POTEC: variants seen among roughly 807,000 people sequenced by gnomAD.
POTEC encodes the protein POTE ankyrin domain family member C.
In POTEC, 35 loss-of-function variants were observed where a neutral mutation model predicts 62.0. That is an observed-to-expected ratio of 0.56 (90% CI 0.43 to 0.75). The LOEUF is 0.75. Among genes scored for constraint, POTEC ranks in the 30% least tolerant of loss-of-function variants. The probability of loss-of-function intolerance (pLI) is 0.00; values close to 1 mark genes in which losing one functional copy is unlikely to be tolerated. For synonymous variants in POTEC, 156 were observed against 221.5 expected, an observed-to-expected ratio of 0.70 and a Z score of 2.62; for missense variants, 472 against 655.9, an observed-to-expected ratio of 0.72 and a Z score of 3.06.
chr18:14,525,092 T>C, intron 6 of POTEC, 109 bp from the exon 7 acceptor site: 7 of 1,494,098 alleles, frequency 4.7e-6, no homozygotes, highest in Non-Finnish European at 6.3e-6. Context: ...TTTCATAAAT[T>C]GAGTGTTTAG....
chr18:14,517,860 C>G (rs1910206451), intron 9 of POTEC, among the ~76,000 whole-genome samples: 1 of 152,050 alleles, frequency 6.6e-6, no homozygotes, highest in South Asian at 2.1e-4. Flanking sequence ...GACTCAATCT[C>G]AAAATAAAAT....
rs1376188802 is a variant in POTEC, at chr18:14,507,412, T to A, written c.*4486A>T. ...TAGGAGTGCAACACCTGCTTTTTTC[T>A]GTTTTCCATTTCCTTGAAATATTTT... On this transcript the variant is annotated 3_prime_UTR_variant, in exon 11 of 11. Coordinates refer to ENST00000358970, the MANE Select transcript of POTEC (RefSeq NM_001137671.2). 6.6e-6 allele frequency: 1 copy of A among 151,900 alleles called. No homozygotes were observed. The highest frequency in any genetic ancestry group is 2.4e-5 in the African/African-American group (1 of 41,352). The allele number at this position is 151,900 out of a possible 1,614,324, so 9.4% of individuals were successfully genotyped here. A position where few individuals can be genotyped will look rare whatever the true frequency, so the allele number is the denominator to read the frequency against.
chr18:14,527,045 A>G (rs971344925), intron 6 of POTEC, among the ~76,000 whole-genome samples: 3 of 152,138 alleles, frequency 2.0e-5, no homozygotes, highest in Non-Finnish European at 4.4e-5. Context: ...GGTGCTTTAT[A>G]AAGTTATAGT....
rs554609846 is a variant in POTEC, at chr18:14,542,541, G to A, written c.521+85C>T. 9.4e-5 allele frequency: 149 copies of A among 1,583,696 alleles called. No homozygotes were observed. In the African/African-American group the frequency reaches 1.9e-3, roughly 20 times the overall value. Reference sequence around the variant, plus strand: ...TGTGGGGCCTGCGGAGGAAGAGAAAGCCTGGCTCCTCCCTCCCTGCGCCAG... The same window carrying A: ...TGTGGGGCCTGCGGAGGAAGAGAAAACCTGGCTCCTCCCTCCCTGCGCCAG... On this transcript the variant is annotated intron_variant, in intron 1 of 10. Coordinates refer to ENST00000358970, the MANE Select transcript of POTEC (RefSeq NM_001137671.2).
chr18:14,515,530 T>A (rs8087665), intron 9 of POTEC, among the ~76,000 whole-genome samples: 71,178 of 151,824 alleles, frequency 0.47, 18,878 homozygotes, highest in Non-Finnish European at 0.61. Context: ...CCTCTCACCA[T>A]GTAAAAAAAT....
chr18:14,510,882 C>G lies in POTEC; in HGVS notation c.*1016G>C, dbSNP rs543827699. ...TCATCCAAACAGCAAAGATGACAGT[C>G]TGGTCCTCCCCCTGGGAGCTCTGAC... On this transcript the variant is annotated 3_prime_UTR_variant, in exon 11 of 11. Transcript: ENST00000358970. 1 of 152,362 alleles carries G rather than the reference C, an allele frequency of 6.6e-6. No homozygotes were observed. Among genetic ancestry groups the G allele is most frequent in the East Asian group, 1.9e-4 (1 of 5,172 alleles). 9.4% of individuals were successfully genotyped at this position (152,362 alleles called of 1,614,324 possible). A position where few individuals can be genotyped will look rare whatever the true frequency, so the allele number is the denominator to read the frequency against.
intron 6 of POTEC, 110 bp downstream of exon 6, chr18:14,530,373 T>C: frequency 6.6e-7 from 1 of 1,526,166 alleles, no homozygotes; most frequent in Admixed American, 1.8e-5. Flanking sequence ...CCTGAAACCA[T>C]CCCCACCTTC....
intron 9 of POTEC, among the ~76,000 whole-genome samples, chr18:14,514,516 C>T (rs1420675781): frequency 1.3e-5 from 2 of 152,192 alleles, no homozygotes; most frequent in East Asian, 3.8e-4. Context: ...CTTGATTCCT[C>T]TGTAATTTAT....
At chr18:14,531,864 A>G (rs1404756047) in intron 5 of POTEC, 1 of 151,742 alleles carries the variant, frequency 6.6e-6, no homozygotes, top group African/African-American at 2.4e-5. Flanking sequence ...TACTTACTTA[A>G]CCTACTTGAG....
intron 6 of POTEC, 110 bp from the exon 7 acceptor site, chr18:14,525,093 G>A: frequency 1.3e-6 from 2 of 1,484,390 alleles, no homozygotes; most frequent in South Asian, 2.5e-5. Context: ...TTCATAAATT[G>A]AGTGTTTAGT....
intron 6 of POTEC, among the ~76,000 whole-genome samples, chr18:14,529,396 T>C (rs1323403839): frequency 6.6e-6 from 1 of 152,086 alleles, no homozygotes; most frequent in African/African-American, 2.4e-5. Flanking sequence ...AGAAATGAAA[T>C]AGAGACAGCT....
At position 14,542,672 on chromosome 18, in the gene POTEC, CGAT is replaced by C; in HGVS notation, c.472_474del (p.Ile158del). Reference sequence around the variant, plus strand: ...TTCATGTCCGTGTCCCTGAGCATGACGATGAGATCCTTTCTGGGGACCTTACCC... The same window carrying C: ...TTCATGTCCGTGTCCCTGAGCATGACGAGATCCTTTCTGGGGACCTTACCC... On this transcript the variant is annotated inframe_deletion, in exon 1 of 11. Coordinates refer to ENST00000358970, the MANE Select transcript of POTEC (RefSeq NM_001137671.2). 1 of 1,612,912 alleles carries C rather than the reference CGAT, an allele frequency of 6.2e-7. No individual in the cohort carries two copies. The highest frequency in any genetic ancestry group is 8.5e-7 in the Non-Finnish European group (1 of 1,179,932).
rs11873462 is a variant in POTEC at position 14,543,099 on chromosome 18, C to G, written c.48G>C (p.Lys16Asn). Residue 16 changes from lysine (K) to asparagine (N), a missense_variant, in exon 1 of 11, where the codon AAG (lysine) becomes AAC (asparagine). Around this residue, in one of 5 missense-constraint regions of POTEC, gnomAD observed 257 missense variants for 250.7 expected, o/e 1.03. Transcript: ENST00000358970. The part of the protein sequence containing the change: ...CSMPAASAVK[K>N]PFDLRSKMGK... ...CCATCTTGCTCCTGAGATCGAATGG[C>G]TTCTTCACAGCAGAGGCAGCGGGCA... 1 of 1,613,710 alleles carries G rather than the reference C, an allele frequency of 6.2e-7. No individual in the cohort carries two copies. The highest frequency in any genetic ancestry group is 2.2e-5 in the East Asian group (1 of 44,816).
Position 14,518,342 on chromosome 18 carries a change from A to T in POTEC, c.1409+3912T>A, listed in dbSNP as rs1437720874. The stretch of plus-strand genomic sequence containing the variant: ...GGAAAATGAAATGTTTATGTGTTTG[A>T]TGGGGAGGGTGGTGGGAAAGTTGGG... On this transcript the variant is annotated intron_variant, in intron 9 of 10. Transcript: ENST00000358970. Among the ~76,000 whole-genome samples, 25 of 151,354 alleles carry T rather than the reference A, an allele frequency of 1.7e-4. No homozygotes were observed. The East Asian group carries it at 4.9e-3, about 30-fold the overall frequency.
At chr18:14,537,172 A>AACACACACAC (rs1158054861) in intron 3 of POTEC, among the ~76,000 whole-genome samples, 6,268 of 64,406 alleles carry the variant, frequency 0.097, 681 homozygotes, top group Non-Finnish European at 0.14. Flanking sequence ...CAACAATAAC[A>AACACACACAC]ACACACACAC....
chr18:14,540,519 C>T (rs1905896455), intron 1 of POTEC, among the ~76,000 whole-genome samples: 1 of 152,132 alleles, frequency 6.6e-6, no homozygotes. Context: ...CTTGATATAG[C>T]AAAGTACATC....
chr18:14,536,618 A>T (rs1372606231), intron 3 of POTEC, among the ~76,000 whole-genome samples: 1 of 151,976 alleles, frequency 6.6e-6, no homozygotes, highest in Non-Finnish European at 1.5e-5. Context: ...AGACTTGAAG[A>T]TTATTTAAAA....
At chr18:14,530,750 A>C (rs1905483750) in intron 5 of POTEC, among the ~76,000 whole-genome samples, 197 bp from the exon 6 acceptor site, 2 of 152,140 alleles carry the variant, frequency 1.3e-5, no homozygotes, top group African/African-American at 4.8e-5. Context: ...AATTAGGTGA[A>C]ATGCTCATAA....
Position 14,542,934 on chromosome 18 carries a change from G to C in POTEC, c.213C>G (p.Cys71Trp). The change falls in exon 1 of 11, where the codon TGC becomes TGG. Residue 71 changes from cysteine (C) to tryptophan (W), a missense_variant. Physicochemically the swap from Cys to Trp is radical, Grantham distance 215. This residue lies in a region of POTEC where 257 missense variants were observed against 250.7 expected (regional missense o/e 1.03). Transcript: ENST00000358970. ...CGTTGCTCGTGCCGCTCCCCCTGCA[G>C]CAGGGGAAGCAGTGGTGGCAACACT... ...MGKCCHHCFP[C>W]CRGSGTSNVG... 1 of 1,555,588 alleles carries C rather than the reference G, an allele frequency of 6.4e-7. No individual in the cohort carries two copies. The highest frequency in any genetic ancestry group is 8.7e-7 in the Non-Finnish European group (1 of 1,149,416).
Sources: gnomAD v4.1 joint callset for allele counts (sites outside exome capture counted in the v4.1 genomes callset) on GRCh38, gnomAD v4.1.1 for gene constraint, gnomAD v4.1.1 regional missense constraint, MANE v1.5 for transcripts, NCBI Gene and HGNC (gene_info 2026-07-23, HGNC 2026-07-21) for gene names.